FANCB: variants seen among roughly 807,000 people sequenced by gnomAD.
FANCB encodes the protein FA complementation group B.
In FANCB, 5 loss-of-function variants were observed where a neutral mutation model predicts 38.9. The ratio of observed to expected loss-of-function variants is 0.13; its 90% CI spans 0.07 to 0.27. The LOEUF (loss-of-function observed/expected upper bound fraction) is 0.27. Among genes scored for constraint, FANCB ranks in the 10% least tolerant of loss-of-function variants. FANCB has a pLI of 1.00. For missense variants in FANCB, 573 were observed against 602.7 expected (o/e 0.95, Z 0.52); for synonymous variants, 236 against 215.4 (o/e 1.10, Z -0.84).
chrX:14,794,811 G>A, the FANCB span, among the ~76,000 whole-genome samples: 1 of 112,085 alleles, frequency 8.9e-6, no homozygotes, highest in Admixed American at 9.5e-5. Flanking sequence ...AATATTGGGT[G>A]TGATGGAAAA....
the FANCB span, among the ~76,000 whole-genome samples, chrX:14,779,279 T>A: frequency 2.7e-5 from 3 of 112,499 alleles, no homozygotes; most frequent in Non-Finnish European, 5.6e-5. Flanking sequence ...GGGAACCCAA[T>A]CCAACACATA....
At chrX:14,794,190 G>A in the FANCB span, among the ~76,000 whole-genome samples, 1 of 111,457 alleles carries the variant, frequency 9.0e-6, no homozygotes, top group Non-Finnish European at 1.9e-5. Context: ...GTGGAGAGGA[G>A]GAGAGCTTTG....
chrX:14,707,741 C>T, the FANCB span, among the ~76,000 whole-genome samples: 1 of 91,371 alleles, frequency 1.1e-5, no homozygotes, highest in Non-Finnish European at 2.2e-5. Flanking sequence ...TGTTTTCCTA[C>T]TTTGACAGCA....
the FANCB span, among the ~76,000 whole-genome samples, chrX:14,750,687 A>G: frequency 9.0e-6 from 1 of 111,068 alleles, no homozygotes; most frequent in Non-Finnish European, 1.9e-5. Flanking sequence ...GAAAGAACAC[A>G]GATGTCTACT....
downstream of FANCB, among the ~76,000 whole-genome samples, chrX:14,841,665 T>C (rs922699844): frequency 1.4e-4 from 16 of 112,017 alleles, no homozygotes; most frequent in Non-Finnish European, 2.6e-4. Context: ...AGAGTGGATT[T>C]GGGAGGACTG....
the FANCB span, among the ~76,000 whole-genome samples, chrX:14,748,156 T>C: frequency 8.9e-6 from 1 of 112,162 alleles, no homozygotes; most frequent in African/African-American, 3.2e-5. Context: ...TTGCCCTCTC[T>C]GTGGCTTTTA....
the FANCB span, among the ~76,000 whole-genome samples, chrX:14,720,410 G>A: frequency 8.9e-6 from 1 of 111,750 alleles, no homozygotes; most frequent in East Asian, 2.8e-4. Flanking sequence ...AAGCATTTTG[G>A]ATACAGTTAA....
intron 4 of FANCB, among the ~76,000 whole-genome samples, chrX:14,858,498 T>G (rs1461898010): frequency 8.9e-6 from 1 of 111,841 alleles, no homozygotes; most frequent in Non-Finnish European, 1.9e-5. Flanking sequence ...CACCTAACAT[T>G]TATATACTGC....
chrX:14,777,026 T>G, the FANCB span, among the ~76,000 whole-genome samples: 1 of 111,921 alleles, frequency 8.9e-6, no homozygotes, highest in Non-Finnish European at 1.9e-5. Flanking sequence ...GGAGGGTGCC[T>G]AGAGGGGAAC....
intron 10 of FANCB, among the ~76,000 whole-genome samples, chrX:14,838,014 T>A (rs1274265614): frequency 8.9e-6 from 1 of 112,404 alleles, no homozygotes; most frequent in East Asian, 2.8e-4. Context: ...ACTGAACAGC[T>A]TAAATGTGAC....
At chrX:14,718,618 A>T in the FANCB span, among the ~76,000 whole-genome samples, 2 of 111,937 alleles carry the variant, frequency 1.8e-5, no homozygotes, top group African/African-American at 6.5e-5. Context: ...GCTAGGAGTC[A>T]GTCATCTGTA....
At chrX:14,803,901 C>T in the FANCB span, among the ~76,000 whole-genome samples, 1 of 111,696 alleles carries the variant, frequency 9.0e-6, no homozygotes, top group Non-Finnish European at 1.9e-5. Flanking sequence ...CATCACTGGC[C>T]ACCAGAGAAA....
chrX:14,787,876 AAT>A, the FANCB span, among the ~76,000 whole-genome samples: 1,904 of 40,782 alleles, frequency 0.047, 52 homozygotes, highest in East Asian at 0.079. Flanking sequence ...TTAAAAATAG[AAT>A]ATATATATAT....
the FANCB span, among the ~76,000 whole-genome samples, chrX:14,789,483 A>G: frequency 8.9e-6 from 1 of 111,782 alleles, no homozygotes; most frequent in Non-Finnish European, 1.9e-5. Flanking sequence ...AAATTAAGAA[A>G]AGCCAACAAT....
At chrX:14,712,027 A>C in the FANCB span, among the ~76,000 whole-genome samples, 2 of 113,061 alleles carry the variant, frequency 1.8e-5, no homozygotes, top group South Asian at 7.2e-4. Context: ...GAGGCAGTGC[A>C]TTTTGTCATG....
At chrX:14,729,733 T>C in the FANCB span, among the ~76,000 whole-genome samples, 1 of 111,448 alleles carries the variant, frequency 9.0e-6, no homozygotes, top group Non-Finnish European at 1.9e-5. Flanking sequence ...ATGGGGGAAT[T>C]GCGCTGTGAA....
chrX:14,689,761 A>G, the FANCB span, among the ~76,000 whole-genome samples: 1 of 112,388 alleles, frequency 8.9e-6, no homozygotes, highest in East Asian at 2.8e-4. Flanking sequence ...TGGTAGTTTA[A>G]TAAGTATTCT....
At chrX:14,755,293 T>G in the FANCB span, among the ~76,000 whole-genome samples, 5 of 111,576 alleles carry the variant, frequency 4.5e-5, no homozygotes, top group African/African-American at 1.6e-4. Context: ...ACAGGGATCA[T>G]AGAACAATTA....
chrX:14,702,744 A>G, the FANCB span, among the ~76,000 whole-genome samples: 1 of 111,457 alleles, frequency 9.0e-6, no homozygotes, highest in South Asian at 3.8e-4. Context: ...GGTTCAAGGG[A>G]TTGGGGGCCA....
Sources: allele counts gnomAD v4.1 joint callset (sites outside exome capture counted in the v4.1 genomes callset), GRCh38; gene constraint gnomAD v4.1.1; transcripts MANE v1.5; gene names NCBI Gene and HGNC (gene_info 2026-07-23, HGNC 2026-07-21).